The following ZFHX3 variants were observed in gnomAD, a reference collection of about 807,000 sequenced individuals.
ZFHX3 encodes zinc finger homeobox protein 3.
A neutral mutation model predicts 279.1 loss-of-function variants in ZFHX3; 42 were observed. That is an observed-to-expected ratio of 0.15 (90% confidence interval 0.12 to 0.19). The LOEUF is 0.19. ZFHX3 is among the 10% of genes least tolerant of loss of function. The probability of loss-of-function intolerance (pLI) is 1.00; values close to 1 mark genes in which losing one functional copy is unlikely to be tolerated. For missense variants in ZFHX3, 4,981 were observed against 4,754.0 expected, an observed-to-expected ratio of 1.05 and a Z score of -1.40; for synonymous variants, 2,293 against 1,957.8, an observed-to-expected ratio of 1.17 and a Z score of -4.52.
At chr16:73,447,769 G>C (rs1364422201) in intron 3 of ZFHX3, among the ~76,000 whole-genome samples, 1 of 152,154 alleles carries the variant, frequency 6.6e-6, no homozygotes, top group Non-Finnish European at 1.5e-5. Context: ...TTAGTACAGA[G>C]GTCTACACGG....
intron 2 of ZFHX3, among the ~76,000 whole-genome samples, chr16:73,611,045 C>T (rs779162209): frequency 1.3e-5 from 2 of 152,208 alleles, no homozygotes; most frequent in Non-Finnish European, 2.9e-5. Flanking sequence ...CAAGCTGTCA[C>T]CCCTGTGATA....
intron 3 of ZFHX3, among the ~76,000 whole-genome samples, chr16:73,331,659 G>A (rs1299075842): frequency 6.6e-6 from 1 of 152,176 alleles, no homozygotes; most frequent in Non-Finnish European, 1.5e-5. Flanking sequence ...ACTTTCTGTA[G>A]AAGATCATGA....
At position 73,850,811 on chromosome 16, in the gene ZFHX3, A is replaced by G. The variant is rs549060794; in HGVS notation, c.-1608+40840T>C. ...TTTTATGGGGAAGGCTGCAGACATG[A>G]GCAGCTGCTTCCTCAGGGTGAAGGG... On this transcript the variant is annotated intron_variant, in intron 1 of 17. Coordinates refer to the ZFHX3 transcript ENST00000641206. Among the ~76,000 whole-genome samples the G allele has an allele frequency of 1.4e-4, 22 of 152,180 alleles. No homozygotes were observed. The South Asian group carries it at 4.6e-3, about 32-fold the overall frequency.
intron 1 of ZFHX3, among the ~76,000 whole-genome samples, chr16:73,038,009 A>T (rs1309487290): frequency 6.6e-6 from 1 of 152,216 alleles, no homozygotes; most frequent in Non-Finnish European, 1.5e-5. Context: ...GCCCAGTCAA[A>T]CACACACATA....
At chr16:73,391,064 G>C (rs2017002755) in intron 3 of ZFHX3, among the ~76,000 whole-genome samples, 1 of 152,074 alleles carries the variant, frequency 6.6e-6, no homozygotes, top group African/African-American at 2.4e-5. Flanking sequence ...AAGTGCTTTA[G>C]GAGAGGACTG....
At chr16:73,599,883 C>T (rs2052093216) in intron 2 of ZFHX3, among the ~76,000 whole-genome samples, 1 of 152,128 alleles carries the variant, frequency 6.6e-6, no homozygotes, top group Admixed American at 6.5e-5. Context: ...AGGCCAGTTA[C>T]TGTTGATTAG....
intron 3 of ZFHX3, among the ~76,000 whole-genome samples, chr16:72,902,846 C>T (rs1430977776): frequency 1.3e-5 from 2 of 152,162 alleles, no homozygotes; most frequent in Non-Finnish European, 2.9e-5. Context: ...GAGGACAAGG[C>T]TGAACCTCAA....
intron 1 of ZFHX3, among the ~76,000 whole-genome samples, chr16:73,863,248 C>A (rs867093748): frequency 6.6e-6 from 1 of 152,056 alleles, no homozygotes; most frequent in Admixed American, 6.5e-5. Context: ...TTAGTAGAAG[C>A]AGTCCCTAGA....
chr16:73,210,422 G>A (rs1339904835), intron 5 of ZFHX3, among the ~76,000 whole-genome samples: 2 of 151,824 alleles, frequency 1.3e-5, no homozygotes, highest in African/African-American at 4.9e-5. Flanking sequence ...TATATTTTGG[G>A]GGTAAAAAAA....
At chr16:73,496,472 A>C (rs1013621765) in intron 2 of ZFHX3, among the ~76,000 whole-genome samples, 5 of 152,224 alleles carry the variant, frequency 3.3e-5, no homozygotes, top group Admixed American at 2.0e-4. Flanking sequence ...CAGAGGTTGC[A>C]GTGAGCCAAG....
chr16:73,718,550 G>A (rs1324222498), intron 1 of ZFHX3, among the ~76,000 whole-genome samples: 3 of 152,048 alleles, frequency 2.0e-5, no homozygotes, highest in Admixed American at 6.5e-5. Context: ...AATTCACATG[G>A]TGCTACCTTA....
At chr16:73,368,339 G>A (rs539080104) in intron 3 of ZFHX3, among the ~76,000 whole-genome samples, 1 of 152,296 alleles carries the variant, frequency 6.6e-6, no homozygotes, top group Non-Finnish European at 1.5e-5. Flanking sequence ...GTGTGAAGCT[G>A]CCTCATTTTC....
chr16:72,855,324 C>T (rs550237557), intron 4 of ZFHX3, among the ~76,000 whole-genome samples: 2 of 152,162 alleles, frequency 1.3e-5, no homozygotes, highest in African/African-American at 2.4e-5. Context: ...CGCGTGCACG[C>T]GTGTGAAACA....
chr16:73,391,138 G>A (rs1462123785), intron 3 of ZFHX3, among the ~76,000 whole-genome samples: 6 of 152,180 alleles, frequency 3.9e-5, no homozygotes, highest in East Asian at 1.9e-4. Context: ...CACCTTGGGC[G>A]GACAGGCCCA....
intron 4 of ZFHX3, among the ~76,000 whole-genome samples, chr16:72,855,946 A>G (rs2037743935): frequency 6.6e-6 from 1 of 152,256 alleles, no homozygotes; most frequent in Non-Finnish European, 1.5e-5. Context: ...AGTTGAAAAC[A>G]GTGGAAAAGA....
intron 5 of ZFHX3, among the ~76,000 whole-genome samples, chr16:73,149,562 T>A (rs1966891055): frequency 6.6e-6 from 1 of 152,178 alleles, no homozygotes; most frequent in African/African-American, 2.4e-5. Context: ...TCTTGCTCAG[T>A]CATTTTCGGC....
intron 2 of ZFHX3, among the ~76,000 whole-genome samples, chr16:73,645,363 T>C (rs2052609094): frequency 6.6e-6 from 1 of 152,118 alleles, no homozygotes; most frequent in African/African-American, 2.4e-5. Flanking sequence ...TTCATGCCAT[T>C]CTCCTGCCTC....
chr16:73,812,510 T>C (rs2142338186), intron 1 of ZFHX3: 1 of 152,274 alleles, frequency 6.6e-6, no homozygotes, highest in African/African-American at 2.4e-5. Flanking sequence ...AGTTATTATG[T>C]CATAATAAAG....
In ZFHX3 at chr16:73,779,603, G is replaced by A. The variant is rs408248; in HGVS notation, c.-1607-99363C>T. Among the ~76,000 whole-genome samples, 1,491 of 152,258 alleles carry A rather than the reference G, an allele frequency of 9.8e-3. 27 individuals are homozygous for A. The highest frequency in any genetic ancestry group is 0.033 in the African/African-American group (1,381 of 41,532). On this transcript the variant is annotated intron_variant, in intron 1 of 17. Coordinates refer to the ZFHX3 transcript ENST00000641206. ...TAAGGTCCTAATCTACTAGGACCAC[G>A]AATCATTCCACAAATGAAACTCCAA...
Sources: allele counts gnomAD v4.1 joint callset (sites outside exome capture counted in the v4.1 genomes callset), GRCh38; gene constraint gnomAD v4.1.1; transcripts MANE v1.5; gene names NCBI Gene and HGNC (gene_info 2026-07-23, HGNC 2026-07-21).